PLEKHO2: variants seen among roughly 807,000 people sequenced by gnomAD.
PLEKHO2 encodes pleckstrin homology domain-containing family O member 2.
PLEKHO2 carries 20 observed loss-of-function variants against 32.7 expected under a neutral mutation model. The observed-to-expected ratio is 0.61, with a 90% CI of 0.43 to 0.89. PLEKHO2 has a LOEUF of 0.89. Among genes scored for constraint, PLEKHO2 ranks in the 40% least tolerant of loss-of-function variants. The pLI is 0.00. For synonymous variants in PLEKHO2, 247 were observed against 246.3 expected, an observed-to-expected ratio of 1.00 and a Z score of -0.03; for missense variants, 568 against 621.2, an observed-to-expected ratio of 0.91 and a Z score of 0.91.
At chr15:64,862,710 G>A (rs1026692437) in intron 5 of PLEKHO2, among the ~76,000 whole-genome samples, 6 of 152,136 alleles carry the variant, frequency 3.9e-5, no homozygotes, top group Admixed American at 3.3e-4. Flanking sequence ...GTTGGCAGCC[G>A]CAAGTCACAA....
intron 1 of PLEKHO2, among the ~76,000 whole-genome samples, chr15:64,844,564 C>A (rs1377586697): frequency 6.6e-6 from 1 of 152,206 alleles, no homozygotes; most frequent in Admixed American, 6.5e-5. Context: ...CTTCTAGGCT[C>A]TCCACTTGCC....
In PLEKHO2 at chr15:64,848,664, C is replaced by T. The variant is rs755775144; in HGVS notation, c.84C>T (p.Ser28=). The change falls in exon 2 of 6, where the codon AGC becomes AGT. Residue 28 remains serine, a synonymous_variant. Coordinates refer to ENST00000323544, the MANE Select transcript of PLEKHO2 (RefSeq NM_025201.5). ...ACAAGGCTGGCTGGATCAAGAAGAG[C>T]AGTGGGGGCCTCCTGGGTTTCTGGA... ...MVDKAGWIKK[S]SGGLLGFWKD... 6.2e-7 allele frequency: 1 copy of T among 1,614,140 alleles called. No homozygotes were observed. The highest frequency in any genetic ancestry group is 8.5e-7 in the Non-Finnish European group (1 of 1,180,016).
chr15:64,864,179 A>C (rs1202902832), intron 5 of PLEKHO2, among the ~76,000 whole-genome samples: 1 of 152,144 alleles, frequency 6.6e-6, no homozygotes, highest in Non-Finnish European at 1.5e-5. Context: ...GGAGGGTCTC[A>C]TGACTGTGGG....
chr15:64,855,976 G>A (rs1014128010), intron 3 of PLEKHO2, among the ~76,000 whole-genome samples: 2 of 152,090 alleles, frequency 1.3e-5, no homozygotes, highest in Non-Finnish European at 2.9e-5. Context: ...TTGACCCTTT[G>A]TCCTACTGTG....
Position 64,866,589 on chromosome 15 carries a change from T to C in PLEKHO2, c.*701T>C. 2.8e-6 allele frequency: 1 copy of C among 352,624 alleles called. No individual in the cohort carries two copies. The highest frequency in any genetic ancestry group is 2.2e-5 in the South Asian group (1 of 46,460). 21.8% of individuals were successfully genotyped at this position (352,624 alleles called of 1,614,324 possible). A position where few individuals can be genotyped will look rare whatever the true frequency, so the allele number is the denominator to read the frequency against. ...GCCCCTTCCTCTCAGTGAGCTATGA[T>C]TGGAGGGCTTAGGTCTGGAGGATTC... On this transcript the variant is annotated 3_prime_UTR_variant, in exon 6 of 6. Transcript: ENST00000323544.
rs377627047 is a variant in PLEKHO2 at position 64,861,579 on chromosome 15, G to A, written c.483+4G>A. ...AACGAGAGTCCACCTGAAGGAGGTA[G>A]GGCCTTACCCAGTGTGGATGTTGGG... On this transcript the variant is annotated splice_donor_region_variant and intron_variant, in intron 5 of 5. Coordinates refer to ENST00000323544, the MANE Select transcript of PLEKHO2 (RefSeq NM_025201.5). 234 of 1,593,140 alleles carry A rather than the reference G, an allele frequency of 1.5e-4. 1 individual carries two copies. The highest frequency in any genetic ancestry group is 6.6e-4 in the Middle Eastern group (4 of 6,028).
intron 3 of PLEKHO2, among the ~76,000 whole-genome samples, chr15:64,856,245 C>G (rs2084605511): frequency 6.6e-6 from 1 of 152,116 alleles, no homozygotes; most frequent in Non-Finnish European, 1.5e-5. Context: ...TGAGTGGGCA[C>G]TGTATATGTG....
intron 1 of PLEKHO2, among the ~76,000 whole-genome samples, chr15:64,847,437 C>T (rs569760707): frequency 6.6e-6 from 1 of 152,186 alleles, no homozygotes; most frequent in Non-Finnish European, 1.5e-5. Context: ...CCTTCACCCC[C>T]CACTTCACAC....
chr15:64,861,638 C>A, intron 5 of PLEKHO2, 63 bp downstream of exon 5: 1 of 1,375,810 alleles, frequency 7.3e-7, no homozygotes, highest in Non-Finnish European at 9.8e-7. Flanking sequence ...CTCCTCTGGG[C>A]GGCAGCCAGG....
chr15:64,864,419 G>A (rs2084667382), intron 5 of PLEKHO2, among the ~76,000 whole-genome samples: 1 of 152,194 alleles, frequency 6.6e-6, no homozygotes, highest in African/African-American at 2.4e-5. Context: ...GAGATGAACT[G>A]GAAGAAGTAT....
intron 1 of PLEKHO2, among the ~76,000 whole-genome samples, chr15:64,842,707 C>T (rs115547481): frequency 7.7e-4 from 118 of 152,274 alleles, no homozygotes; most frequent in African/African-American, 2.6e-3. Flanking sequence ...ATCTTAGTCC[C>T]TGCCTTCCCC....
At chr15:64,856,628 A>T (rs2084607807) in intron 3 of PLEKHO2, among the ~76,000 whole-genome samples, 1 of 152,112 alleles carries the variant, frequency 6.6e-6, no homozygotes, top group Non-Finnish European at 1.5e-5. Context: ...GCAAGAATTT[A>T]GGCTGGCTCT....
chr15:64,865,167 C>T lies in PLEKHO2; in HGVS notation c.752C>T (p.Pro251Leu). ...GAGAGCCAAGAGGACTCAGAGACCC[C>T]AGCAGAGGAGGACAGTGGCTCTGAG... Reference protein sequence around the residue: ...SPESQEDSETPAEEDSGSEQP... With the variant: ...SPESQEDSETLAEEDSGSEQP... Residue 251 changes from proline to leucine, a missense_variant, in exon 6 of 6, where the codon CCA (proline) becomes CTA (leucine). Physicochemically the swap from Pro to Leu is moderately conservative, Grantham distance 98. Coordinates refer to ENST00000323544, the MANE Select transcript of PLEKHO2 (RefSeq NM_025201.5). 6.2e-7 allele frequency: 1 copy of T among 1,614,150 alleles called. No homozygotes were observed. Among genetic ancestry groups the T allele is most frequent in the Non-Finnish European group, 8.5e-7 (1 of 1,180,020 alleles).
At position 64,864,930 on chromosome 15, in the gene PLEKHO2, G is replaced by C; in HGVS notation, c.515G>C (p.Arg172Pro). ...AGTGCAGCTTCTGACGGTCTTCTGC[G>C]CCTGGATCTTGATGTTCCGGACAGT... ...VASAASDGLL[R>P]LDLDVPDSGP... The change falls in exon 6 of 6, where the codon CGC becomes CCC. Residue 172 changes from arginine (R) to proline (P), a missense_variant. By Grantham distance (103) the Arg-to-Pro change is moderately radical (BLOSUM62 -2). Coordinates refer to ENST00000323544, the MANE Select transcript of PLEKHO2 (RefSeq NM_025201.5). 1 of 1,612,624 alleles carries C rather than the reference G, an allele frequency of 6.2e-7. No homozygotes were observed. The highest frequency in any genetic ancestry group is 8.5e-7 in the Non-Finnish European group (1 of 1,179,004).
At chr15:64,857,549 G>T (rs1056570073) in intron 3 of PLEKHO2, among the ~76,000 whole-genome samples, 3 of 152,254 alleles carry the variant, frequency 2.0e-5, no homozygotes, top group Middle Eastern at 3.4e-3. Context: ...TGCCCAGGCT[G>T]GTAACTTCTT....
At chr15:64,856,371 C>T (rs370825605) in intron 3 of PLEKHO2, among the ~76,000 whole-genome samples, 20 of 151,812 alleles carry the variant, frequency 1.3e-4, no homozygotes, top group African/African-American at 4.4e-4. Context: ...CTCACCTGGC[C>T]GTGTGTCTGT....
chr15:64,852,695 T>C (rs1177685588), intron 2 of PLEKHO2, among the ~76,000 whole-genome samples: 1 of 151,722 alleles, frequency 6.6e-6, no homozygotes, highest in African/African-American at 2.4e-5. Flanking sequence ...ATCTCGGCTC[T>C]CTGCAGCCTC....
chr15:64,863,490 G>A (rs1326957713), intron 5 of PLEKHO2, among the ~76,000 whole-genome samples: 1 of 149,462 alleles, frequency 6.7e-6, no homozygotes, highest in East Asian at 2.0e-4. Flanking sequence ...TGACAGAAGA[G>A]TTCAGGGAGG....
intron 2 of PLEKHO2, among the ~76,000 whole-genome samples, chr15:64,852,805 G>A (rs1020296712): frequency 2.0e-5 from 3 of 151,964 alleles, no homozygotes; most frequent in African/African-American, 7.2e-5. Context: ...ATTTTTAGTA[G>A]AGACAGGGTT....
Sources: gnomAD v4.1 joint callset for allele counts (sites outside exome capture counted in the v4.1 genomes callset) on GRCh38, gnomAD v4.1.1 for gene constraint, MANE v1.5 for transcripts, NCBI Gene and HGNC (gene_info 2026-07-23, HGNC 2026-07-21) for gene names.